Variants in ZDHHC7 observed in about 807,000 individuals in gnomAD.
ZDHHC7 encodes the protein palmitoyltransferase ZDHHC7.
ZDHHC7 carries 12 observed loss-of-function variants against 34.1 expected under a neutral mutation model. That is an observed-to-expected ratio of 0.35 (90% confidence interval 0.23 to 0.57). The LOEUF (loss-of-function observed/expected upper bound fraction) is 0.57, where lower values mean the gene tolerates loss of function less well. ZDHHC7 is among the 20% of genes least tolerant of loss of function. The pLI is 0.84. For synonymous variants in ZDHHC7, 185 were observed against 155.4 expected (o/e 1.19, Z -1.42); for missense variants, 388 against 402.7 (o/e 0.96, Z 0.31).
the ZDHHC7 span, among the ~76,000 whole-genome samples, chr16:85,027,348 C>A: frequency 6.6e-6 from 1 of 152,100 alleles, no homozygotes; most frequent in Non-Finnish European, 1.5e-5. Context: ...ATGCCTTCGC[C>A]GTAACTAGGG....
intron 4 of ZDHHC7, among the ~76,000 whole-genome samples, chr16:84,981,026 C>T (rs999263705): frequency 2.6e-5 from 4 of 152,142 alleles, no homozygotes; most frequent in Non-Finnish European, 4.4e-5. Flanking sequence ...AAGCAGGCCA[C>T]GACCCCCCAG....
the ZDHHC7 span, among the ~76,000 whole-genome samples, chr16:85,022,598 C>G: frequency 6.6e-6 from 1 of 152,088 alleles, no homozygotes; most frequent in Admixed American, 6.6e-5. Context: ...GGATGCTAAA[C>G]CACTAGCTGA....
chr16:85,016,859 C>A, the ZDHHC7 span, among the ~76,000 whole-genome samples: 4 of 152,118 alleles, frequency 2.6e-5, no homozygotes, highest in African/African-American at 9.7e-5. Flanking sequence ...ATGTGGTCTT[C>A]TGCCAGTCAT....
At chr16:85,027,615 C>A in the ZDHHC7 span, 3 of 152,248 alleles carry the variant, frequency 2.0e-5, no homozygotes, top group Non-Finnish European at 4.4e-5. Flanking sequence ...CGAGCGTGGG[C>A]AGGCCTCGGG....
At chr16:84,980,303 C>T (rs2072351460) in intron 4 of ZDHHC7, among the ~76,000 whole-genome samples, 1 of 152,020 alleles carries the variant, frequency 6.6e-6, no homozygotes, top group African/African-American at 2.4e-5. Context: ...CCTTGGCTCC[C>T]TGCCCGACCT....
chr16:85,021,128 A>G, the ZDHHC7 span, among the ~76,000 whole-genome samples: 8 of 150,242 alleles, frequency 5.3e-5, no homozygotes, highest in African/African-American at 2.0e-4. Flanking sequence ...AAATTAAAAA[A>G]GGGGGGGGTG....
At chr16:85,020,717 G>C in the ZDHHC7 span, among the ~76,000 whole-genome samples, 3 of 152,284 alleles carry the variant, frequency 2.0e-5, no homozygotes, top group Admixed American at 2.0e-4. Flanking sequence ...GAAGGGCCAG[G>C]TCATGCTGGG....
chr16:84,989,954 T>G (rs568957882), intron 3 of ZDHHC7, among the ~76,000 whole-genome samples: 1 of 152,134 alleles, frequency 6.6e-6, no homozygotes, highest in African/African-American at 2.4e-5. Flanking sequence ...GGAACTCACT[T>G]ACTAGAGGTG....
At chr16:85,018,833 T>C in the ZDHHC7 span, among the ~76,000 whole-genome samples, 1 of 152,142 alleles carries the variant, frequency 6.6e-6, no homozygotes, top group East Asian at 1.9e-4. Context: ...AGAGACTTGT[T>C]CCGGACGGGT....
intron 3 of ZDHHC7, among the ~76,000 whole-genome samples, chr16:84,987,504 T>G (rs1037546824): frequency 1.2e-4 from 18 of 152,130 alleles, no homozygotes; most frequent in African/African-American, 4.1e-4. Flanking sequence ...TTTTCTTTTT[T>G]TTCCCCCAGT....
chr16:85,004,438 C>T (rs1000747855), intron 1 of ZDHHC7, among the ~76,000 whole-genome samples: 1 of 152,112 alleles, frequency 6.6e-6, no homozygotes, highest in Non-Finnish European at 1.5e-5. Flanking sequence ...CATGCAGCAC[C>T]CAGAGTGGTC....
chr16:85,027,353 C>G, the ZDHHC7 span, among the ~76,000 whole-genome samples: 1 of 152,122 alleles, frequency 6.6e-6, no homozygotes, highest in Non-Finnish European at 1.5e-5. Flanking sequence ...TTCGCCGTAA[C>G]TAGGGGATAG....
chr16:84,980,539 G>A (rs1219065360), intron 4 of ZDHHC7, among the ~76,000 whole-genome samples: 8 of 151,766 alleles, frequency 5.3e-5, no homozygotes, highest in African/African-American at 1.2e-4. Context: ...GCATGGTGGC[G>A]GGCGCCTGTA....
At chr16:85,015,369 G>T (rs2072829858), upstream of ZDHHC7, among the ~76,000 whole-genome samples, 1 of 152,110 alleles carries the variant, frequency 6.6e-6, no homozygotes, top group East Asian at 1.9e-4. Context: ...CCAAAGTGCT[G>T]GGATTACAGA....
chr16:84,979,425 A>G (rs1381655973), intron 4 of ZDHHC7, 140 bp from the exon 5 acceptor site: 11 of 1,258,314 alleles, frequency 8.7e-6, no homozygotes, highest in Non-Finnish European at 1.2e-5. Flanking sequence ...CATTCTCACT[A>G]TATTCCTTTA....
chr16:85,021,292 G>C, the ZDHHC7 span, among the ~76,000 whole-genome samples: 2 of 151,036 alleles, frequency 1.3e-5, no homozygotes, highest in Non-Finnish European at 2.9e-5. Flanking sequence ...CACACCTTTA[G>C]TCCCAGCTAT....
At chr16:84,997,669 C>T (rs139360155) in intron 1 of ZDHHC7, among the ~76,000 whole-genome samples, 22,812 of 150,070 alleles carry the variant, frequency 0.15, 2,217 homozygotes, top group East Asian at 0.33. Context: ...CTGAGGTGGG[C>T]GGATCACAAG....
At chr16:84,993,204 C>T (rs552837956) in intron 2 of ZDHHC7, among the ~76,000 whole-genome samples, 43 of 151,914 alleles carry the variant, frequency 2.8e-4, no homozygotes, top group African/African-American at 1.0e-3. Flanking sequence ...GCTTATAGTC[C>T]CCCCTACTAG....
At position 85,011,103 on chromosome 16, in the gene ZDHHC7, C is replaced by G. The variant is rs183555208; in HGVS notation, c.-104+183G>C. 7.1e-4 allele frequency among the ~76,000 whole-genome samples: 108 copies of G among 152,222 alleles called. 3 individuals are homozygous for G. The highest frequency in any genetic ancestry group is 7.0e-3 in the Admixed American group (107 of 15,290). The stretch of plus-strand genomic sequence containing the variant: ...GAGCAACTAAGGAATGACAAGGGGG[C>G]ACCTGGAAGGGAAGTCAGGTGCGGG... On this transcript the variant is annotated intron_variant, in intron 1 of 7. Transcript: ENST00000313732.
Sources: allele counts gnomAD v4.1 joint callset (sites outside exome capture counted in the v4.1 genomes callset), GRCh38; gene constraint gnomAD v4.1.1; transcripts MANE v1.5; gene names NCBI Gene and HGNC (gene_info 2026-07-23, HGNC 2026-07-21).